The following GABBR1 variants were observed in gnomAD, a reference collection of about 807,000 sequenced individuals.
The protein encoded by GABBR1 is GABA-B receptor, R1 subunit.
Under a neutral mutation model 117.7 loss-of-function variants are expected in GABBR1, and 35 were observed. The ratio of observed to expected loss-of-function variants is 0.30; its 90% CI spans 0.23 to 0.39. The LOEUF (loss-of-function observed/expected upper bound fraction) is 0.39. Ranked by LOEUF, GABBR1 falls within the 10% of genes least tolerant of loss-of-function variation. The probability of loss-of-function intolerance (pLI) is 1.00; values close to 1 mark genes in which losing one functional copy is unlikely to be tolerated. For synonymous variants in GABBR1, 442 were observed against 486.6 expected (o/e 0.91, Z 1.21); for missense variants, 709 against 1,241.8 (o/e 0.57, Z 6.45).
chr6:29,632,537 A>G lies in GABBR1; in HGVS notation c.1-152T>C. 1 of 894,234 alleles carries G rather than the reference A, an allele frequency of 1.1e-6. No homozygotes were observed. The highest frequency in any genetic ancestry group is 1.6e-6 in the Non-Finnish European group (1 of 636,494). The allele number at this position is 894,234 out of a possible 1,614,324, so 55.4% of individuals were successfully genotyped here. A position where few individuals can be genotyped will look rare whatever the true frequency, so the allele number is the denominator to read the frequency against. On this transcript the variant is annotated intron_variant, in intron 1 of 22. Transcript: ENST00000377034. The surrounding 1 kb of genome is among the most constrained non-coding windows in gnomAD (Gnocchi z 5.8). ...CGCCCCGCGGAGGAGGCGGGGGCGG[A>G]GCCCCGCGCGGGGTGGGGGGAGAGG...
rs988532530 is a variant in GABBR1 at position 29,631,393 on chromosome 6, C to T, written c.289+3G>A. Reference sequence around the variant, plus strand: ...GAGGGGAGGGGCTTCCGAGGCTACTCACCACAGCGGCTGGGTGTGTCCATA... The same window carrying T: ...GAGGGGAGGGGCTTCCGAGGCTACTTACCACAGCGGCTGGGTGTGTCCATA... On this transcript the variant is annotated splice_donor_region_variant and intron_variant, in intron 3 of 22. Coordinates refer to ENST00000377034, the MANE Select transcript of GABBR1 (RefSeq NM_001470.4). The surrounding 1 kb of genome is among the most constrained non-coding windows in gnomAD (Gnocchi z 5.9). The T allele has an allele frequency of 2.0e-5, 32 of 1,613,788 alleles. No individual in the cohort carries two copies. Among genetic ancestry groups the T allele is most frequent in the Non-Finnish European group, 2.6e-5 (31 of 1,179,950 alleles).
intron 11 of GABBR1, among the ~76,000 whole-genome samples, chr6:29,616,846 C>CAAAAAA (rs28383807): frequency 8.2e-4 from 61 of 74,406 alleles, no homozygotes; most frequent in East Asian, 2.6e-3. Context: ...TACTCTACCT[C>CAAAAAA]AAAAAAAAAA....
Position 29,603,595 on chromosome 6 carries a change from G to A in GABBR1, c.2834C>T (p.Pro945Leu). The A allele has an allele frequency of 3.1e-6, 5 of 1,588,124 alleles. No individual in the cohort carries two copies. The highest frequency in any genetic ancestry group is 4.3e-6 in the Non-Finnish European group (5 of 1,168,958). The change falls in exon 23 of 23, where the codon CCC becomes CTC. Residue 945 changes from proline to leucine, a missense_variant. Around this residue, in one of 9 missense-constraint regions of GABBR1, gnomAD observed 69 missense variants for 64.3 expected, o/e 1.07. Transcript: ENST00000377034. Reference sequence around the variant, plus strand: ...CCCATCACAGCTAAGCCGGTCGGGGGGCTCAGGGGGTCCCCTGGGCAGGCC... The same window carrying A: ...CCCATCACAGCTAAGCCGGTCGGGGAGCTCAGGGGGTCCCCTGGGCAGGCC... ...SGGLPRGPPEPPDRLSCDGSR... is the reference protein window; with the variant it reads ...SGGLPRGPPELPDRLSCDGSR...
rs147560335 is a variant in GABBR1, at chr6:29,603,587, G to A, written c.2842C>T (p.Arg948Trp). The A allele has an allele frequency of 4.4e-6, 7 of 1,591,632 alleles. No individual in the cohort carries two copies. The highest frequency in any genetic ancestry group is 3.5e-5 in the Admixed American group (2 of 57,412). ...LPRGPPEPPD[R>W]LSCDGSRVHL... is the part of the protein sequence containing the mutation. ...ACTCGACTCCCATCACAGCTAAGCC[G>A]GTCGGGGGGCTCAGGGGGTCCCCTG... is the stretch of plus-strand genomic sequence containing the variant. The change falls in exon 23 of 23, where the codon CGG (arginine) becomes TGG (tryptophan). Residue 948 changes from arginine (R) to tryptophan (W), a missense_variant. This residue lies in a region of GABBR1 where 69 missense variants were observed against 64.3 expected (regional missense o/e 1.07). Transcript: ENST00000377034.
At chr6:29,612,813 A>AGCTTCACTT (rs1177505688) in intron 12 of GABBR1, among the ~76,000 whole-genome samples, 199 bp from the exon 13 acceptor site, 6 of 152,218 alleles carry the variant, frequency 3.9e-5, no homozygotes, top group African/African-American at 1.4e-4. Flanking sequence ...TTGGAGAAGG[A>AGCTTCACTT]GCTTCACTTA....
In GABBR1 at chr6:29,602,288, C is replaced by G. The variant is rs1761443530; in HGVS notation, c.*1255G>C. Reference sequence around the variant, plus strand: ...CGGGGAGATCCTTCCCCAAGAGACACCACAGTGTGAAAGGGACACCACCTC... The same window carrying G: ...CGGGGAGATCCTTCCCCAAGAGACAGCACAGTGTGAAAGGGACACCACCTC... On this transcript the variant is annotated 3_prime_UTR_variant, in exon 23 of 23. Transcript: ENST00000377034. 1 of 152,644 alleles carries G rather than the reference C, an allele frequency of 6.6e-6. No individual in the cohort carries two copies. Among genetic ancestry groups the G allele is most frequent in the Non-Finnish European group, 1.5e-5 (1 of 68,406 alleles). 9.5% of individuals were successfully genotyped at this position (152,644 alleles called of 1,614,324 possible).
chr6:29,605,190 C>A lies in GABBR1; in HGVS notation c.2440-202G>T, dbSNP rs1451832005. On this transcript the variant is annotated intron_variant, in intron 20 of 22. Transcript: ENST00000377034. This position sits in a 1 kb window ranked among gnomAD's most constrained non-coding sequence, Gnocchi z 4.2. ...CAAACCAGTTTTCACTCTTGGTTAACCCCTCCCCTCAAGGCAGGAACTCCC... is the reference window on the plus strand; with the variant it reads ...CAAACCAGTTTTCACTCTTGGTTAAACCCTCCCCTCAAGGCAGGAACTCCC... 4.8e-6 allele frequency: 3 copies of A among 619,988 alleles called. No homozygotes were observed. The highest frequency in any genetic ancestry group is 2.3e-5 in the South Asian group (1 of 43,424). The allele number at this position is 619,988 out of a possible 1,614,324, so 38.4% of individuals were successfully genotyped here. A position where few individuals can be genotyped will look rare whatever the true frequency, so the allele number is the denominator to read the frequency against.
Position 29,604,044 on chromosome 6 carries a change from AT to A in GABBR1, c.2713-329del, listed in dbSNP as rs1761691148. On this transcript the variant is annotated intron_variant, in intron 22 of 22. Coordinates refer to ENST00000377034, the MANE Select transcript of GABBR1 (RefSeq NM_001470.4). This position sits in a 1 kb window ranked among gnomAD's most constrained non-coding sequence, Gnocchi z 5.3. ...AGAGATGTGTCAACCCAGTTGGAAC[AT>A]CCCTCTCTTTGGCATTGCACCAGCC... Among the ~76,000 whole-genome samples the A allele has an allele frequency of 1.3e-5, 2 of 152,126 alleles. No homozygotes were observed. The highest frequency in any genetic ancestry group is 4.8e-5 in the African/African-American group (2 of 41,424).
rs1763975144 is a variant in GABBR1 at position 29,623,568 on chromosome 6, G to A, written c.793-93C>T. The A allele has an allele frequency of 7.6e-7, 1 of 1,309,588 alleles. No individual in the cohort carries two copies. The highest frequency in any genetic ancestry group is 2.5e-5 in the East Asian group (1 of 40,434). 81.1% of individuals were successfully genotyped at this position (1,309,588 alleles called of 1,614,324 possible). On this transcript the variant is annotated intron_variant, in intron 7 of 22. Coordinates refer to ENST00000377034, the MANE Select transcript of GABBR1 (RefSeq NM_001470.4). This position sits in a 1 kb window ranked among gnomAD's most constrained non-coding sequence, Gnocchi z 6.2. ...CCTTTAACCCTCTTCCTGCCTTTGGGTTTCTCTTCCTTACTCTCTCCAAAC... is the reference window on the plus strand; with the variant it reads ...CCTTTAACCCTCTTCCTGCCTTTGGATTTCTCTTCCTTACTCTCTCCAAAC...
chr6:29,612,518 C>T, intron 13 of GABBR1, 33 bp downstream of exon 13: 1 of 1,603,086 alleles, frequency 6.2e-7, no homozygotes, highest in Non-Finnish European at 8.5e-7. Flanking sequence ...AGCCTAGCCC[C>T]CATGTCCGGT....
At chr6:29,617,639 T>C (rs1004299145) in intron 11 of GABBR1, among the ~76,000 whole-genome samples, 2 of 152,226 alleles carry the variant, frequency 1.3e-5, no homozygotes, top group African/African-American at 4.8e-5. Flanking sequence ...GCATTTTTAA[T>C]GTATGATGAA....
At position 29,623,944 on chromosome 6, in the gene GABBR1, G is replaced by T. The variant is rs1034886247; in HGVS notation, c.738C>A (p.Cys246Ter). The change falls in exon 7 of 23, where the codon TGC becomes TGA. Residue 246 changes from cysteine to a stop codon, truncating the protein, a stop_gained. Coordinates refer to ENST00000377034, the MANE Select transcript of GABBR1 (RefSeq NM_001470.4). LOFTEE classifies it high-confidence loss of function. The surrounding 1 kb of genome is among the most constrained non-coding windows in gnomAD (Gnocchi z 6.2). ...CAGCCACCAGCGTGGAGACAGAGCT[G>T]CAGCCAGGCATAAGGATGATCTTGA... ...DPIKIILMPGCSSVSTLVAEA... is the reference protein window; with the variant it reads ...DPIKIILMPG 1 of 1,613,032 alleles carries T rather than the reference G, an allele frequency of 6.2e-7. No individual in the cohort carries two copies. The highest frequency in any genetic ancestry group is 1.3e-5 in the African/African-American group (1 of 75,046).
chr6:29,613,309 G>A lies in GABBR1; in HGVS notation c.1500C>T (p.Tyr500=), dbSNP rs531497124. Reference sequence around the variant, plus strand: ...TTTGGTCGGTAATGGTCTGGTTGTTGTAGTTGAAGTCCTCCAGGCGCACAC... The same window carrying A: ...TTTGGTCGGTAATGGTCTGGTTGTTATAGTTGAAGTCCTCCAGGCGCACAC... ...RSGVRLEDFN[Y]NNQTITDQIY... is the part of the protein sequence containing the mutation. The change falls in exon 12 of 23, where the codon TAC becomes TAT. Residue 500 remains tyrosine, a synonymous_variant. Coordinates refer to ENST00000377034, the MANE Select transcript of GABBR1 (RefSeq NM_001470.4). This position sits in a 1 kb window ranked among gnomAD's most constrained non-coding sequence, Gnocchi z 4.1. The A allele has an allele frequency of 6.2e-7, 1 of 1,613,068 alleles. No homozygotes were observed. Among genetic ancestry groups the A allele is most frequent in the Admixed American group, 1.7e-5 (1 of 60,034 alleles).
In GABBR1 at chr6:29,631,634, AT is replaced by A; in HGVS notation, c.86-36del. On this transcript the variant is annotated intron_variant, in intron 2 of 22. Coordinates refer to ENST00000377034, the MANE Select transcript of GABBR1 (RefSeq NM_001470.4). This position sits in a 1 kb window ranked among gnomAD's most constrained non-coding sequence, Gnocchi z 5.9. ...GAGTCGGGGAGGCATACAGAGAGGA[AT>A]GGTGGGAAAGAGGAAAAGGCAGGCT... The A allele has an allele frequency of 6.3e-7, 1 of 1,595,734 alleles. No individual in the cohort carries two copies. The highest frequency in any genetic ancestry group is 8.6e-7 in the Non-Finnish European group (1 of 1,163,492).
At chr6:29,619,470 C>A (rs1217292501) in intron 11 of GABBR1, among the ~76,000 whole-genome samples, 1 of 152,202 alleles carries the variant, frequency 6.6e-6, no homozygotes, top group African/African-American at 2.4e-5. Context: ...AGTCTTCCCA[C>A]CCCAATGCTC....
At chr6:29,612,779 C>T (rs1173394172) in intron 12 of GABBR1, among the ~76,000 whole-genome samples, 165 bp from the exon 13 acceptor site, 1 of 152,130 alleles carries the variant, frequency 6.6e-6, no homozygotes, top group African/African-American at 2.4e-5. Context: ...ATGCCCATAC[C>T]CTAGATTTTA....
In GABBR1 at chr6:29,611,971, A is replaced by G. The variant is rs1762583942; in HGVS notation, c.1630+580T>C. Among the ~76,000 whole-genome samples the G allele has an allele frequency of 6.6e-6, 1 of 152,062 alleles. No individual in the cohort carries two copies. The highest frequency in any genetic ancestry group is 1.5e-5 in the Non-Finnish European group (1 of 68,008). On this transcript the variant is annotated intron_variant, in intron 13 of 22. Transcript: ENST00000377034. This position sits in a 1 kb window ranked among gnomAD's most constrained non-coding sequence, Gnocchi z 4.6. ...AAATTAATGGAAGCCACTGGGAAAG[A>G]GAGTAGCTGTTTTTAATTTGCATGT...
Position 29,607,140 on chromosome 6 carries a change from C to A in GABBR1, c.2071G>T (p.Val691Phe), listed in dbSNP as rs1349597703. The stretch of plus-strand genomic sequence containing the variant: ...TTCTTTTCTTCCTTCTTTGTGAAGA[C>A]CGTGTGGACCCACCAAATCTTGGTG... ...MFTKIWWVHTVFTKKEEKKEW... is the reference protein window; with the variant it reads ...MFTKIWWVHTFFTKKEEKKEW... The change falls in exon 17 of 23, where the codon GTC becomes TTC. Residue 691 changes from valine to phenylalanine, a missense_variant. By Grantham distance (50) the Val-to-Phe change is conservative. This residue lies in a region of GABBR1 where 251 missense variants were observed against 445.3 expected (regional missense o/e 0.56). Coordinates refer to ENST00000377034, the MANE Select transcript of GABBR1 (RefSeq NM_001470.4). This position sits in a 1 kb window ranked among gnomAD's most constrained non-coding sequence, Gnocchi z 5.0. 1 of 1,614,138 alleles carries A rather than the reference C, an allele frequency of 6.2e-7. No homozygotes were observed. Among genetic ancestry groups the A allele is most frequent in the South Asian group, 1.1e-5 (1 of 91,086 alleles).
Position 29,629,123 on chromosome 6 carries a change from A to C in GABBR1, c.476-16T>G. ...GTTCGATTCACTGGCAGCAGGAAAG[A>C]CGGGGATCAGAGAAGAGTTACCACT... On this transcript the variant is annotated splice_polypyrimidine_tract_variant and intron_variant, in intron 4 of 22. Coordinates refer to ENST00000377034, the MANE Select transcript of GABBR1 (RefSeq NM_001470.4). 6.2e-7 allele frequency: 1 copy of C among 1,612,948 alleles called. No homozygotes were observed. The highest frequency in any genetic ancestry group is 2.2e-5 in the East Asian group (1 of 44,878).
Sources: gnomAD v4.1 joint callset for allele counts (sites outside exome capture counted in the v4.1 genomes callset) on GRCh38, gnomAD v4.1.1 for gene constraint, gnomAD v4.1.1 regional missense constraint, Gnocchi (gnomAD v3.1) non-coding constraint, MANE v1.5 for transcripts, NCBI Gene and HGNC (gene_info 2026-07-23, HGNC 2026-07-21) for gene names.